Variants in CNTN5 observed in about 807,000 individuals in gnomAD.
CNTN5 encodes contactin 5.
CNTN5 carries 77 observed loss-of-function variants against 129.1 expected under a neutral mutation model. That is an observed-to-expected ratio of 0.60 (90% CI 0.50 to 0.72). CNTN5 has a LOEUF of 0.72. CNTN5 is among the 30% of genes least tolerant of loss of function. The probability of loss-of-function intolerance (pLI) is 0.00; values close to 1 mark genes in which losing one functional copy is unlikely to be tolerated. For synonymous variants in CNTN5, 509 were observed against 465.6 expected, an observed-to-expected ratio of 1.09 and a Z score of -1.20; for missense variants, 1,478 against 1,328.8, an observed-to-expected ratio of 1.11 and a Z score of -1.75.
intron 1 of CNTN5, among the ~76,000 whole-genome samples, chr11:99,227,517 A>C (rs1860757694): frequency 6.6e-6 from 1 of 152,212 alleles, no homozygotes; most frequent in Admixed American, 6.5e-5. Flanking sequence ...AAATTCATTT[A>C]CGTCTAGGTA....
At chr11:99,337,392 T>C (rs1047688738) in intron 2 of CNTN5, among the ~76,000 whole-genome samples, 1 of 152,148 alleles carries the variant, frequency 6.6e-6, no homozygotes, top group African/African-American at 2.4e-5. Context: ...CACGTATTTA[T>C]TAACAGCAAA....
chr11:100,221,098 G>A (rs1314579473), intron 15 of CNTN5, among the ~76,000 whole-genome samples: 1 of 152,184 alleles, frequency 6.6e-6, no homozygotes, highest in Non-Finnish European at 1.5e-5. Flanking sequence ...CATAAACAGA[G>A]GGAAAGCTAA....
At chr11:99,895,043 G>A (rs1949169071) in intron 6 of CNTN5, among the ~76,000 whole-genome samples, 1 of 152,168 alleles carries the variant, frequency 6.6e-6, no homozygotes, top group African/African-American at 2.4e-5. Flanking sequence ...GCCTAGAAAA[G>A]GCACATCGCA....
At chr11:99,946,249 A>T (rs1185287717) in intron 7 of CNTN5, among the ~76,000 whole-genome samples, 2 of 152,166 alleles carry the variant, frequency 1.3e-5, no homozygotes, top group Non-Finnish European at 2.9e-5. Context: ...CCTGGGTTCC[A>T]AGAAAATTAT....
At chr11:99,873,864 G>A (rs575179632) in intron 6 of CNTN5, among the ~76,000 whole-genome samples, 1 of 152,174 alleles carries the variant, frequency 6.6e-6, no homozygotes, top group South Asian at 2.1e-4. Flanking sequence ...ATATCAGCAT[G>A]GAACACAATG....
At chr11:99,939,631 T>A (rs1051037477) in intron 7 of CNTN5, among the ~76,000 whole-genome samples, 6 of 150,830 alleles carry the variant, frequency 4.0e-5, no homozygotes, top group Admixed American at 1.3e-4. Context: ...TTTATTTTTT[T>A]AATTATTTTG....
At chr11:100,286,582 C>T in intron 18 of CNTN5, among the ~76,000 whole-genome samples, 1 of 146,234 alleles carries the variant, frequency 6.8e-6, no homozygotes, top group Non-Finnish European at 1.5e-5. Flanking sequence ...ACAGAAAGGA[C>T]ATCCACACCA....
At chr11:99,926,246 A>G (rs1950059645) in intron 7 of CNTN5, among the ~76,000 whole-genome samples, 1 of 152,130 alleles carries the variant, frequency 6.6e-6, no homozygotes. Flanking sequence ...AGATTAGTTG[A>G]CATCAAGCTG....
intron 1 of CNTN5, among the ~76,000 whole-genome samples, chr11:99,030,492 AC>A (rs1863318166): frequency 6.6e-6 from 1 of 152,048 alleles, no homozygotes; most frequent in South Asian, 2.1e-4. Flanking sequence ...CCTCTTCTGG[AC>A]ATTTTACTTT....
intron 3 of CNTN5, among the ~76,000 whole-genome samples, chr11:99,710,590 TGTGTG>T (rs1479286807): frequency 7.2e-6 from 1 of 139,854 alleles, no homozygotes; most frequent in African/African-American, 2.6e-5. Flanking sequence ...TGTGTGTGTG[TGTGTG>T]TGTGTGTATG....
At chr11:99,488,113 TC>T (rs1945887227) in intron 2 of CNTN5, among the ~76,000 whole-genome samples, 1 of 151,966 alleles carries the variant, frequency 6.6e-6, no homozygotes, top group Non-Finnish European at 1.5e-5. Flanking sequence ...TTTCTTACTT[TC>T]CCATCTGATG....
chr11:99,668,708 C>A (rs117949635), intron 3 of CNTN5, among the ~76,000 whole-genome samples: 2 of 152,042 alleles, frequency 1.3e-5, no homozygotes, highest in Admixed American at 6.6e-5. Context: ...GTGCGCAGAT[C>A]GCTTGAGTTG....
intron 2 of CNTN5, among the ~76,000 whole-genome samples, chr11:99,367,343 G>T (rs190402829): frequency 6.7e-6 from 1 of 149,044 alleles, no homozygotes; most frequent in Admixed American, 6.7e-5. Flanking sequence ...GTTTGAAACA[G>T]TTTTTTTTTT....
intron 1 of CNTN5, among the ~76,000 whole-genome samples, chr11:99,108,051 C>A (rs967870391): frequency 6.6e-6 from 1 of 150,470 alleles, no homozygotes. Flanking sequence ...GTGTGTATTC[C>A]TTTTTAGTAA....
At chr11:99,511,691 G>C (rs368327924) in intron 2 of CNTN5, among the ~76,000 whole-genome samples, 1 of 152,006 alleles carries the variant, frequency 6.6e-6, no homozygotes, top group Non-Finnish European at 1.5e-5. Flanking sequence ...TCTCTTTGTA[G>C]GTCACTCAGG....
intron 21 of CNTN5, among the ~76,000 whole-genome samples, chr11:100,329,025 A>G (rs1022982148): frequency 1.3e-5 from 2 of 152,140 alleles, no homozygotes; most frequent in Non-Finnish European, 2.9e-5. Flanking sequence ...GCAGTCTGGG[A>G]TAAGTTCTCA....
chr11:99,550,746 T>A (rs1374081982), intron 2 of CNTN5, among the ~76,000 whole-genome samples: 1 of 152,164 alleles, frequency 6.6e-6, no homozygotes, highest in Non-Finnish European at 1.5e-5. Context: ...TAACTCAGAA[T>A]ATAGATGATA....
intron 9 of CNTN5, among the ~76,000 whole-genome samples, chr11:100,004,737 G>C (rs970474394): frequency 3.3e-5 from 5 of 152,182 alleles, no homozygotes; most frequent in African/African-American, 9.6e-5. Context: ...AGTGGGAGGA[G>C]ATGGTGTTTC....
intron 3 of CNTN5, among the ~76,000 whole-genome samples, chr11:99,776,623 AAAACATTGATCCTGTT>A (rs1341433493): frequency 6.6e-6 from 1 of 151,416 alleles, no homozygotes; most frequent in African/African-American, 2.4e-5. Context: ...ATGAGACTCA[AAAACATTGATCCTGTT>A]AACTTTTATT....
Sources: gnomAD v4.1 joint callset for allele counts (sites outside exome capture counted in the v4.1 genomes callset) on GRCh38, gnomAD v4.1.1 for gene constraint, MANE v1.5 for transcripts, NCBI Gene and HGNC (gene_info 2026-07-23, HGNC 2026-07-21) for gene names.